The following IL31RA variants were observed in gnomAD, a reference collection of about 807,000 sequenced individuals.
IL31RA encodes the protein interleukin-31 receptor subunit alpha.
A neutral mutation model predicts 83.7 loss-of-function variants in IL31RA; 66 were observed. The ratio of observed to expected loss-of-function variants is 0.79; its 90% CI spans 0.65 to 0.97. The LOEUF (loss-of-function observed/expected upper bound fraction) is 0.97, where lower values mean the gene tolerates loss of function less well. Among genes scored for constraint, IL31RA ranks in the 50% least tolerant of loss-of-function variants. The pLI is 0.00. For missense variants in IL31RA, 798 were observed against 919.4 expected, an observed-to-expected ratio of 0.87 and a Z score of 1.71; for synonymous variants, 325 against 329.0, an observed-to-expected ratio of 0.99 and a Z score of 0.13.
intron 5 of IL31RA, among the ~76,000 whole-genome samples, chr5:55,889,411 C>T (rs947890158): frequency 1.3e-5 from 2 of 152,180 alleles, no homozygotes; most frequent in African/African-American, 4.8e-5. Context: ...ACCCAAAGAC[C>T]AGTGCTTTGA....
intron 11 of IL31RA, chr5:55,908,888 A>C: frequency 7.7e-7 from 1 of 1,300,806 alleles, no homozygotes; most frequent in East Asian, 3.0e-5. Flanking sequence ...TCTTATGGTA[A>C]AATACACGTA....
intron 2 of IL31RA, among the ~76,000 whole-genome samples, chr5:55,866,204 G>A (rs1746036651): frequency 6.6e-6 from 1 of 152,156 alleles, no homozygotes; most frequent in Non-Finnish European, 1.5e-5. Flanking sequence ...GCTCACATGA[G>A]GAGCTGCACC....
chr5:55,882,251 A>G (rs1580694047), intron 4 of IL31RA, among the ~76,000 whole-genome samples: 1 of 152,342 alleles, frequency 6.6e-6, no homozygotes, highest in South Asian at 2.1e-4. Flanking sequence ...ATGTGCGATA[A>G]TAGAACATAA....
upstream of IL31RA, among the ~76,000 whole-genome samples, chr5:55,849,547 A>G (rs2112253520): frequency 6.6e-6 from 1 of 152,250 alleles, no homozygotes; most frequent in Admixed American, 6.5e-5. Context: ...TAATTATGCC[A>G]TTTTTTGGTT....
intron 3 of IL31RA, among the ~76,000 whole-genome samples, chr5:55,870,356 C>T (rs1260842609): frequency 6.6e-6 from 1 of 152,162 alleles, no homozygotes; most frequent in Non-Finnish European, 1.5e-5. Context: ...TATATTTGAC[C>T]TACAGGCTGT....
chr5:55,855,008 G>A (rs2112274956), intron 1 of IL31RA, among the ~76,000 whole-genome samples: 1 of 152,184 alleles, frequency 6.6e-6, no homozygotes, highest in Non-Finnish European at 1.5e-5. Context: ...AGTCCTGTGG[G>A]TCTTGAGGAA....
Position 55,906,209 on chromosome 5 carries a change from G to T in IL31RA, c.1173G>T (p.Trp391Cys). 1 of 1,614,194 alleles carries T rather than the reference G, an allele frequency of 6.2e-7. No individual in the cohort carries two copies. The highest frequency in any genetic ancestry group is 8.5e-7 in the Non-Finnish European group (1 of 1,180,036). The change falls in exon 9 of 15, where the codon TGG becomes TGT. Residue 391 changes from tryptophan to cysteine, a missense_variant. Trp to Cys is a radical substitution (Grantham distance 215). Coordinates refer to ENST00000652347, the MANE Select transcript of IL31RA (RefSeq NM_139017.7). ...ALDVNTWMIE[W>C]FPDVDSEPTT... The stretch of plus-strand genomic sequence containing the variant: ...ACGTGAACACTTGGATGATTGAATG[G>T]TTTCCGGATGTGGACTCAGAGCCCA...
In IL31RA at chr5:55,921,780, A is replaced by T. The variant is rs1448989697; in HGVS notation, c.*4660A>T. 6.6e-6 allele frequency among the ~76,000 whole-genome samples: 1 copy of T among 152,194 alleles called. No homozygotes were observed. Among genetic ancestry groups the T allele is most frequent in the Non-Finnish European group, 1.5e-5 (1 of 68,032 alleles). On this transcript the variant is annotated 3_prime_UTR_variant, in exon 15 of 15. Coordinates refer to ENST00000652347, the MANE Select transcript of IL31RA (RefSeq NM_139017.7). ...ATTGTTGCCATGTCCCTGTGTTGAC[A>T]TTACAGAATGTTCTCTGCCTCCGTG...
At position 55,921,501 on chromosome 5, in the gene IL31RA, G is replaced by A. The variant is rs1750088649; in HGVS notation, c.*4381G>A. Reference sequence around the variant, plus strand: ...TTTCTTACCTTTGTCCTGTCTCTTTGGGGCTGTTTTCAAAAGTGGAATTGC... The same window carrying A: ...TTTCTTACCTTTGTCCTGTCTCTTTAGGGCTGTTTTCAAAAGTGGAATTGC... On this transcript the variant is annotated 3_prime_UTR_variant, in exon 15 of 15. Coordinates refer to ENST00000652347, the MANE Select transcript of IL31RA (RefSeq NM_139017.7). Among the ~76,000 whole-genome samples, 1 of 152,148 alleles carries A rather than the reference G, an allele frequency of 6.6e-6. No homozygotes were observed. Among genetic ancestry groups the A allele is most frequent in the Admixed American group, 6.5e-5 (1 of 15,278 alleles).
intron 4 of IL31RA, among the ~76,000 whole-genome samples, chr5:55,876,552 C>T (rs1380175422): frequency 1.3e-5 from 2 of 152,286 alleles, no homozygotes; most frequent in Admixed American, 6.5e-5. Context: ...TTAGTGGTAT[C>T]TAAATAAATA....
At chr5:55,865,003 G>C (rs1481777596) in intron 2 of IL31RA, among the ~76,000 whole-genome samples, 2 of 152,108 alleles carry the variant, frequency 1.3e-5, no homozygotes, top group African/African-American at 2.4e-5. Context: ...ATTCCTCCTG[G>C]GTGTTGCAAG....
At chr5:55,842,676 A>G in the IL31RA span, among the ~76,000 whole-genome samples, 313 of 152,132 alleles carry the variant, frequency 2.1e-3, no homozygotes, top group African/African-American at 6.9e-3. Flanking sequence ...CATTTATAGC[A>G]CTTTGTTTAC....
At chr5:55,907,333 C>A in intron 9 of IL31RA, 26 bp from the exon 10 acceptor site, 3 of 1,473,744 alleles carry the variant, frequency 2.0e-6, no homozygotes, top group South Asian at 2.3e-5. Flanking sequence ...TCTGCACTTA[C>A]ACTTTTTTTT....
chr5:55,904,254 T>C (rs1192789479), intron 8 of IL31RA, among the ~76,000 whole-genome samples: 1 of 152,120 alleles, frequency 6.6e-6, no homozygotes, highest in African/African-American at 2.4e-5. Flanking sequence ...TCCCACTGGA[T>C]CTTGCAGGGG....
rs1364096796 is a variant in IL31RA, at chr5:55,918,499, T to C, written c.*1379T>C. ...GAGTTGCCGTAGGTTTGTGACTCAG[T>C]CACATTTGGGGTTTTGCCCTCCCCT... On this transcript the variant is annotated 3_prime_UTR_variant, in exon 15 of 15. Coordinates refer to ENST00000652347, the MANE Select transcript of IL31RA (RefSeq NM_139017.7). Among the ~76,000 whole-genome samples the C allele has an allele frequency of 6.6e-6, 1 of 152,154 alleles. No individual in the cohort carries two copies. The highest frequency in any genetic ancestry group is 1.5e-5 in the Non-Finnish European group (1 of 68,030).
chr5:55,846,927 A>T (rs747007006), upstream of IL31RA, among the ~76,000 whole-genome samples: 6 of 152,178 alleles, frequency 3.9e-5, no homozygotes, highest in Non-Finnish European at 8.8e-5. Context: ...TAAACTTTTT[A>T]TTTTGGAATA....
rs753348965 is a variant in IL31RA at position 55,889,993 on chromosome 5, C to T, written c.630C>T (p.Asn210=). 3 of 1,614,080 alleles carry T rather than the reference C, an allele frequency of 1.9e-6. No homozygotes were observed. Among genetic ancestry groups the T allele is most frequent in the Non-Finnish European group, 2.5e-6 (3 of 1,179,940 alleles). ...AGATGGAAGTCAACTTCGCTAAGAA[C>T]CGTAAGGATAAAAACCAAACGTACA... is the stretch of plus-strand genomic sequence containing the variant. ...TSWMEVNFAK[N]RKDKNQTYNL... is the part of the protein sequence containing the mutation. The change falls in exon 6 of 15, where the codon AAC becomes AAT. Residue 210 remains asparagine (N), a synonymous_variant. Coordinates refer to ENST00000652347, the MANE Select transcript of IL31RA (RefSeq NM_139017.7).
At chr5:55,841,202 T>G in the IL31RA span, among the ~76,000 whole-genome samples, 30 of 152,344 alleles carry the variant, frequency 2.0e-4, no homozygotes, top group African/African-American at 7.0e-4. Flanking sequence ...TGTGCTATAT[T>G]ATAAAATAAA....
intron 7 of IL31RA, among the ~76,000 whole-genome samples, chr5:55,897,172 G>T (rs1429346006): frequency 1.4e-5 from 2 of 144,476 alleles, no homozygotes; most frequent in African/African-American, 5.2e-5. Flanking sequence ...CTGTTTAAAA[G>T]CCCTTGATCT....
Sources: gnomAD v4.1 joint callset for allele counts (sites outside exome capture counted in the v4.1 genomes callset) on GRCh38, gnomAD v4.1.1 for gene constraint, MANE v1.5 for transcripts, NCBI Gene and HGNC (gene_info 2026-07-23, HGNC 2026-07-21) for gene names.